Variants in SEMA3A observed in about 807,000 individuals in gnomAD.
The protein encoded by SEMA3A is semaphorin-3A.
SEMA3A carries 29 observed loss-of-function variants against 97.9 expected under a neutral mutation model. That is an observed-to-expected ratio of 0.30 (90% CI 0.22 to 0.40). SEMA3A has a LOEUF of 0.40. Ranked by LOEUF, SEMA3A falls within the 10% of genes least tolerant of loss-of-function variation. The probability of loss-of-function intolerance (pLI) is 1.00; values close to 1 mark genes in which losing one functional copy is unlikely to be tolerated. For synonymous variants in SEMA3A, 321 were observed against 323.7 expected (o/e 0.99, Z 0.09); for missense variants, 763 against 951.3 (o/e 0.80, Z 2.60).
intron 1 of SEMA3A, among the ~76,000 whole-genome samples, chr7:84,476,410 C>T (rs1378785458): frequency 6.6e-6 from 1 of 150,926 alleles, no homozygotes; most frequent in Non-Finnish European, 1.5e-5. Context: ...TCTTAGTTGT[C>T]GTCTAAATGT....
intron 1 of SEMA3A, among the ~76,000 whole-genome samples, chr7:84,445,002 T>C (rs1310979975): frequency 1.3e-5 from 2 of 152,230 alleles, no homozygotes; most frequent in African/African-American, 2.4e-5. Flanking sequence ...GTTGCTCTGA[T>C]AGAGGCTCTT....
At chr7:84,281,920 G>A (rs1239972825) in intron 3 of SEMA3A, among the ~76,000 whole-genome samples, 1 of 152,078 alleles carries the variant, frequency 6.6e-6, no homozygotes, top group Admixed American at 6.6e-5. Flanking sequence ...GTGCTGAGAT[G>A]TTTTCTTTTT....
At chr7:84,421,255 A>C (rs1232977648) in intron 1 of SEMA3A, among the ~76,000 whole-genome samples, 6 of 152,048 alleles carry the variant, frequency 3.9e-5, no homozygotes, top group African/African-American at 7.2e-5. Context: ...AGAAAGTCAA[A>C]CAAAAATTTT....
chr7:84,218,520 G>T (rs1309691166), intron 3 of SEMA3A, among the ~76,000 whole-genome samples: 3 of 152,064 alleles, frequency 2.0e-5, no homozygotes, highest in African/African-American at 7.2e-5. Flanking sequence ...AGGCAAAATT[G>T]CTTAGAAACA....
At chr7:84,044,018 C>A (rs1277805898) in intron 6 of SEMA3A, among the ~76,000 whole-genome samples, 3 of 152,002 alleles carry the variant, frequency 2.0e-5, no homozygotes, top group Non-Finnish European at 4.4e-5. Context: ...GTTATTCCAT[C>A]TTCTAATGAG....
chr7:84,306,465 A>G (rs1025674190), intron 3 of SEMA3A: 1 of 152,120 alleles, frequency 6.6e-6, no homozygotes, highest in Admixed American at 6.6e-5. Context: ...GTCCCATACA[A>G]TATAGATCTT....
chr7:84,108,910 GA>G (rs796700320), intron 4 of SEMA3A, among the ~76,000 whole-genome samples: 1,419 of 121,854 alleles, frequency 0.012, 29 homozygotes, highest in African/African-American at 0.041. Flanking sequence ...ATACTCACAA[GA>G]AAAAAAAAAA....
At chr7:84,069,940 T>C (rs556621759) in intron 4 of SEMA3A, among the ~76,000 whole-genome samples, 84 of 152,278 alleles carry the variant, frequency 5.5e-4, no homozygotes, top group Admixed American at 1.5e-3. Context: ...TGTTATCATA[T>C]GAAAAATATC....
At chr7:84,044,511 G>A (rs1259267489) in intron 6 of SEMA3A, among the ~76,000 whole-genome samples, 2 of 152,050 alleles carry the variant, frequency 1.3e-5, no homozygotes, top group Non-Finnish European at 2.9e-5. Flanking sequence ...AAACTTGGGA[G>A]AGCAAGAAAT....
At chr7:84,406,647 C>T (rs1174731487) in intron 1 of SEMA3A, among the ~76,000 whole-genome samples, 1 of 152,026 alleles carries the variant, frequency 6.6e-6, no homozygotes, top group Non-Finnish European at 1.5e-5. Flanking sequence ...ATGCAAAAAT[C>T]CTCAATAAAA....
intron 2 of SEMA3A, among the ~76,000 whole-genome samples, chr7:84,354,290 A>C (rs972857602): frequency 2.6e-5 from 4 of 151,716 alleles, no homozygotes; most frequent in Non-Finnish European, 4.4e-5. Context: ...AAGTGATGTC[A>C]GTTTTTAAAG....
intron 2 of SEMA3A, among the ~76,000 whole-genome samples, chr7:84,325,484 C>T (rs970228842): frequency 2.8e-4 from 42 of 151,870 alleles, no homozygotes; most frequent in African/African-American, 9.2e-4. Context: ...ACAGAAGAGA[C>T]TCAAAGTATA....
chr7:84,302,412 G>A (rs1157706840), intron 3 of SEMA3A, among the ~76,000 whole-genome samples: 2 of 152,282 alleles, frequency 1.3e-5, no homozygotes, highest in East Asian at 3.9e-4. Flanking sequence ...AAATAAATGT[G>A]TAGAGAGGAC....
intron 1 of SEMA3A, among the ~76,000 whole-genome samples, chr7:84,166,853 C>G (rs1360315082): frequency 1.6e-5 from 2 of 125,242 alleles, no homozygotes; most frequent in South Asian, 5.2e-4. Context: ...CCTGCCTGGA[C>G]GACAGAGTGA....
intron 1 of SEMA3A, among the ~76,000 whole-genome samples, chr7:84,381,974 G>A (rs1361183906): frequency 6.6e-6 from 1 of 152,130 alleles, no homozygotes; most frequent in African/African-American, 2.4e-5. Context: ...GTAGTTGAGG[G>A]TAGGAGCCCA....
intron 10 of SEMA3A, among the ~76,000 whole-genome samples, chr7:84,006,165 G>C (rs1790657985): frequency 6.6e-6 from 1 of 151,974 alleles, no homozygotes; most frequent in Admixed American, 6.6e-5. Flanking sequence ...ATAATGAATG[G>C]AATATACTAC....
intron 6 of SEMA3A, among the ~76,000 whole-genome samples, chr7:84,016,524 C>T (rs1282997942): frequency 3.5e-5 from 5 of 143,408 alleles, no homozygotes; most frequent in South Asian, 2.3e-4. Context: ...GGCGACAGAG[C>T]GAGACTCTGT....
At chr7:84,234,692 C>G (rs986137589) in intron 3 of SEMA3A, among the ~76,000 whole-genome samples, 1 of 151,970 alleles carries the variant, frequency 6.6e-6, no homozygotes, top group Admixed American at 6.6e-5. Flanking sequence ...AGTTTTATCC[C>G]CTCCATTCCA....
intron 4 of SEMA3A, among the ~76,000 whole-genome samples, chr7:84,090,504 T>C (rs2115844403): frequency 6.6e-6 from 1 of 151,430 alleles, no homozygotes; most frequent in African/African-American, 2.4e-5. Context: ...TCAACCTAAA[T>C]GCAAAAAAAA....
Sources: allele counts gnomAD v4.1 joint callset (sites outside exome capture counted in the v4.1 genomes callset), GRCh38; gene constraint gnomAD v4.1.1; transcripts MANE v1.5; gene names NCBI Gene and HGNC (gene_info 2026-07-23, HGNC 2026-07-21).